Variants in AP2B1 observed in about 807,000 individuals in gnomAD.
AP2B1 encodes the protein adaptor related protein complex 2 subunit beta 1.
Under a neutral mutation model 102.0 loss-of-function variants are expected in AP2B1, and 23 were observed. That is an observed-to-expected ratio of 0.23 (90% confidence interval 0.16 to 0.32). AP2B1 has a LOEUF of 0.32. AP2B1 is among the 10% of genes least tolerant of loss of function. The pLI is 1.00. For missense variants in AP2B1, 541 were observed against 1,157.4 expected, an observed-to-expected ratio of 0.47 and a Z score of 7.73; for synonymous variants, 381 against 421.2, an observed-to-expected ratio of 0.90 and a Z score of 1.17.
chr17:35,615,721 C>CT (rs1413253074), intron 5 of AP2B1, among the ~76,000 whole-genome samples: 2 of 152,104 alleles, frequency 1.3e-5, no homozygotes, highest in Admixed American at 1.3e-4. Context: ...ATGTGTAATA[C>CT]TTTTCATATC....
At chr17:35,706,720 A>C (rs1018237713) in intron 18 of AP2B1, among the ~76,000 whole-genome samples, 2 of 151,778 alleles carry the variant, frequency 1.3e-5, no homozygotes, top group Non-Finnish European at 2.9e-5. Context: ...GGCTCACTGC[A>C]ACCTCTGCCT....
intron 18 of AP2B1, among the ~76,000 whole-genome samples, chr17:35,700,584 AG>A (rs2076221534): frequency 6.6e-6 from 1 of 152,044 alleles, no homozygotes; most frequent in Non-Finnish European, 1.5e-5. Context: ...CTGTGGTGAG[AG>A]GTCGGGTAAG....
rs182200702 is a variant in AP2B1, at chr17:35,683,537, T to G, written c.2454+713T>G. ...TATCTATGATAAGTATAACAGCATC[T>G]TAGAAGAATTTTATGTGGTCTACAA... On this transcript the variant is annotated intron_variant, in intron 18 of 21. Coordinates refer to ENST00000610402, the MANE Select transcript of AP2B1 (RefSeq NM_001030006.2). Among the ~76,000 whole-genome samples the G allele has an allele frequency of 2.0e-5, 3 of 152,336 alleles. No homozygotes were observed. The East Asian group carries it at 5.8e-4, about 29-fold the overall frequency.
At position 35,657,776 on chromosome 17, in the gene AP2B1, A is replaced by G; in HGVS notation, c.1974A>G (p.Gly658=). 6.2e-7 allele frequency: 1 copy of G among 1,612,782 alleles called. No homozygotes were observed. Among genetic ancestry groups the G allele is most frequent in the Non-Finnish European group, 8.5e-7 (1 of 1,179,450 alleles). ...TGGGAGCAGTGGATCTCCTAGGAGG[A>G]GGACTAGATAGTCTGGTAAGCATCT... The part of the protein sequence containing the change: ...MQMGAVDLLG[G]GLDSLLGSDL... The change falls in exon 14 of 22, where the codon GGA becomes GGG. Residue 658 remains glycine (G), a synonymous_variant. Coordinates refer to ENST00000610402, the MANE Select transcript of AP2B1 (RefSeq NM_001030006.2).
intron 18 of AP2B1, among the ~76,000 whole-genome samples, chr17:35,700,140 A>G (rs1196840930): frequency 5.9e-5 from 9 of 151,828 alleles, no homozygotes; most frequent in African/African-American, 2.2e-4. Context: ...GATGGTAGAT[A>G]CCTTTTGGCG....
chr17:35,683,899 A>G (rs1179834433), intron 18 of AP2B1, among the ~76,000 whole-genome samples: 1 of 152,222 alleles, frequency 6.6e-6, no homozygotes, highest in Non-Finnish European at 1.5e-5. Context: ...CATCTCCCAA[A>G]GATGATAGGA....
chr17:35,597,182 A>G (rs1001500644), intron 2 of AP2B1: 37 of 462,032 alleles, frequency 8.0e-5, no homozygotes, highest in African/African-American at 7.2e-4. Context: ...AAGGAACGAC[A>G]GGAACAGTCT....
intron 14 of AP2B1, among the ~76,000 whole-genome samples, chr17:35,661,645 T>C (rs1378234232): frequency 6.6e-6 from 1 of 152,250 alleles, no homozygotes; most frequent in Non-Finnish European, 1.5e-5. Context: ...TTTTTATCCT[T>C]GCTTACTTGC....
chr17:35,629,536 G>C (rs1206382647), intron 9 of AP2B1, among the ~76,000 whole-genome samples: 2 of 151,948 alleles, frequency 1.3e-5, no homozygotes. Context: ...GGATATGAAT[G>C]ATTCGTTTTT....
intron 3 of AP2B1, among the ~76,000 whole-genome samples, chr17:35,604,661 CA>C (rs765494441): frequency 6.6e-6 from 1 of 152,086 alleles, no homozygotes; most frequent in Non-Finnish European, 1.5e-5. Flanking sequence ...AGGAGGCTGA[CA>C]CATTAGAATT....
chr17:35,614,791 T>C (rs1314000349), intron 5 of AP2B1, among the ~76,000 whole-genome samples: 1 of 152,210 alleles, frequency 6.6e-6, no homozygotes, highest in Non-Finnish European at 1.5e-5. Context: ...CCAGCTTCTT[T>C]TAATTTGAAC....
At chr17:35,667,048 T>C (rs1481385914) in intron 14 of AP2B1, among the ~76,000 whole-genome samples, 1 of 152,178 alleles carries the variant, frequency 6.6e-6, no homozygotes, top group Non-Finnish European at 1.5e-5. Flanking sequence ...CTTGTGTAGT[T>C]GTTCACTTTC....
In AP2B1 at chr17:35,613,040, C is replaced by T. The variant is rs571762924; in HGVS notation, c.525+4653C>T. On this transcript the variant is annotated intron_variant, in intron 5 of 21. Coordinates refer to ENST00000610402, the MANE Select transcript of AP2B1 (RefSeq NM_001030006.2). ...ATACAAAAAAAAAAGAAATATCAAT[C>T]CTCTTATTCCAGTGATGGATATGAG... is the stretch of plus-strand genomic sequence containing the variant. Among the ~76,000 whole-genome samples, 54 of 150,800 alleles carry T rather than the reference C, an allele frequency of 3.6e-4. 1 individual carries two copies. The highest frequency in any genetic ancestry group is 1.1e-3 in the African/African-American group (44 of 41,008).
chr17:35,599,679 G>A (rs1029901805), intron 3 of AP2B1, among the ~76,000 whole-genome samples: 11 of 152,240 alleles, frequency 7.2e-5, no homozygotes, highest in African/African-American at 1.7e-4. Context: ...CGAGGCAGGC[G>A]GATCACTTGA....
chr17:35,614,221 C>G (rs1197103809), intron 5 of AP2B1, among the ~76,000 whole-genome samples: 1 of 151,900 alleles, frequency 6.6e-6, no homozygotes, highest in Admixed American at 6.6e-5. Context: ...TTTGAGAGAC[C>G]TGGTCTTGCT....
intron 18 of AP2B1, among the ~76,000 whole-genome samples, chr17:35,690,963 A>G (rs1164220316): frequency 1.3e-5 from 2 of 152,186 alleles, no homozygotes; most frequent in Non-Finnish European, 2.9e-5. Flanking sequence ...CTGTGGAGAA[A>G]GAATTGACCC....
intron 5 of AP2B1, among the ~76,000 whole-genome samples, chr17:35,621,583 C>A (rs1174612449): frequency 6.6e-6 from 1 of 152,190 alleles, no homozygotes; most frequent in East Asian, 1.9e-4. Context: ...CTAATCTGAT[C>A]TTTCTGGATC....
intron 18 of AP2B1, among the ~76,000 whole-genome samples, chr17:35,687,350 G>A (rs988656600): frequency 2.0e-5 from 3 of 151,816 alleles, no homozygotes; most frequent in Admixed American, 6.6e-5. Context: ...AAATTCCTGC[G>A]GTCAAGCAAT....
chr17:35,697,951 C>G (rs879118114), intron 18 of AP2B1, among the ~76,000 whole-genome samples: 1 of 152,200 alleles, frequency 6.6e-6, no homozygotes, highest in Non-Finnish European at 1.5e-5. Context: ...CAGAGCAAGA[C>G]TCCGTCTCAA....
Sources: gnomAD v4.1 joint callset for allele counts (sites outside exome capture counted in the v4.1 genomes callset) on GRCh38, gnomAD v4.1.1 for gene constraint, MANE v1.5 for transcripts, NCBI Gene and HGNC (gene_info 2026-07-23, HGNC 2026-07-21) for gene names.